TAOK1: variants seen among roughly 807,000 people sequenced by gnomAD.
TAOK1 encodes serine/threonine-protein kinase TAO1.
Under a neutral mutation model 138.3 loss-of-function variants are expected in TAOK1, and 21 were observed. That is an observed-to-expected ratio of 0.15 (90% CI 0.11 to 0.22). The LOEUF is 0.22. Ranked by LOEUF, TAOK1 falls within the 10% of genes least tolerant of loss-of-function variation. TAOK1 has a pLI of 1.00. For synonymous variants in TAOK1, 361 were observed against 398.4 expected, an observed-to-expected ratio of 0.91 and a Z score of 1.12; for missense variants, 651 against 1,227.7, an observed-to-expected ratio of 0.53 and a Z score of 7.02.
At chr17:29,403,487 T>A (rs1904909130) in intron 1 of TAOK1, among the ~76,000 whole-genome samples, 1 of 152,180 alleles carries the variant, frequency 6.6e-6, no homozygotes. Context: ...GAAACTTTGC[T>A]CTTCCTTGTT....
chr17:29,404,805 A>G (rs1301091685), intron 1 of TAOK1, among the ~76,000 whole-genome samples: 2 of 152,118 alleles, frequency 1.3e-5, no homozygotes, highest in Non-Finnish European at 2.9e-5. Context: ...ATAAATAGGT[A>G]AGTAAAAACT....
intron 1 of TAOK1, among the ~76,000 whole-genome samples, chr17:29,437,984 A>G (rs942002885): frequency 1.3e-5 from 2 of 151,998 alleles, no homozygotes; most frequent in African/African-American, 4.8e-5. Context: ...CGCCCGCCTT[A>G]GCCTCCCAAA....
At chr17:29,538,026 C>T (rs1022611464) in intron 19 of TAOK1, among the ~76,000 whole-genome samples, 2 of 150,438 alleles carry the variant, frequency 1.3e-5, no homozygotes, top group African/African-American at 2.4e-5. Flanking sequence ...GCAAGGGAAT[C>T]GCTTCAACCT....
chr17:29,427,684 TG>T (rs1905687434), intron 1 of TAOK1, among the ~76,000 whole-genome samples: 1 of 152,010 alleles, frequency 6.6e-6, no homozygotes, highest in South Asian at 2.1e-4. Flanking sequence ...CCCAGCACTT[TG>T]GGAAGCCAAG....
intron 10 of TAOK1, among the ~76,000 whole-genome samples, chr17:29,493,318 A>G (rs2031343946): frequency 6.6e-6 from 1 of 152,020 alleles, no homozygotes; most frequent in Non-Finnish European, 1.5e-5. Context: ...AACGTGGAGA[A>G]ACCCTGTCTC....
At chr17:29,474,765 A>G (rs754579301) in intron 3 of TAOK1, among the ~76,000 whole-genome samples, 5 of 152,122 alleles carry the variant, frequency 3.3e-5, no homozygotes, top group Non-Finnish European at 7.4e-5. Flanking sequence ...AAGGTGACAC[A>G]AAGACATCAA....
At chr17:29,402,325 C>T (rs1046948781) in intron 1 of TAOK1, among the ~76,000 whole-genome samples, 11 of 152,094 alleles carry the variant, frequency 7.2e-5, no homozygotes, top group African/African-American at 1.4e-4. Flanking sequence ...TTTTTTAAGA[C>T]GGTCTCAGTC....
chr17:29,541,425 A>C (rs911206888), intron 19 of TAOK1, among the ~76,000 whole-genome samples: 2 of 151,892 alleles, frequency 1.3e-5, no homozygotes, highest in Non-Finnish European at 2.9e-5. Context: ...AGGACTTTTG[A>C]CTTTAATGTA....
intron 2 of TAOK1, among the ~76,000 whole-genome samples, chr17:29,464,394 A>G (rs1259078381): frequency 6.6e-6 from 1 of 151,368 alleles, no homozygotes; most frequent in Non-Finnish European, 1.5e-5. Flanking sequence ...CAGTGAGCCA[A>G]GATCGCAGCG....
intron 8 of TAOK1, among the ~76,000 whole-genome samples, chr17:29,486,170 T>TCCC (rs1482084693): frequency 1.3e-5 from 2 of 151,986 alleles, no homozygotes; most frequent in Non-Finnish European, 2.9e-5. Flanking sequence ...GCACCTGTAG[T>TCCC]CCCAGCTGCT....
intron 3 of TAOK1, among the ~76,000 whole-genome samples, chr17:29,475,065 C>T (rs1022313039): frequency 7.2e-5 from 11 of 151,902 alleles, no homozygotes; most frequent in Admixed American, 5.9e-4. Flanking sequence ...CTCAGCCTCC[C>T]GAGTACCTGG....
At chr17:29,393,593 A>G (rs897554682) in intron 1 of TAOK1, among the ~76,000 whole-genome samples, 35 of 152,338 alleles carry the variant, frequency 2.3e-4, no homozygotes, top group African/African-American at 7.9e-4. Context: ...GTTTCTAAAT[A>G]GTTCATCTAC....
At chr17:29,428,586 C>A (rs543295321) in intron 1 of TAOK1, among the ~76,000 whole-genome samples, 12 of 152,062 alleles carry the variant, frequency 7.9e-5, no homozygotes, top group African/African-American at 2.4e-4. Flanking sequence ...CTTTGAACTT[C>A]AAGTATAATT....
intron 13 of TAOK1, among the ~76,000 whole-genome samples, chr17:29,504,788 G>C (rs150947213): frequency 6.6e-6 from 1 of 152,208 alleles, no homozygotes; most frequent in Non-Finnish European, 1.5e-5. Context: ...TGTAGTTCAT[G>C]AATCTATATG....
intron 6 of TAOK1, 70 bp from the exon 7 acceptor site, chr17:29,480,298 T>G (rs1292673118): frequency 8.7e-7 from 1 of 1,145,416 alleles, no homozygotes; most frequent in East Asian, 2.6e-5. Flanking sequence ...AATTCTTGTT[T>G]TATTTTTATC....
At chr17:29,467,632 G>T (rs1313757808) in intron 3 of TAOK1, among the ~76,000 whole-genome samples, 2 of 151,982 alleles carry the variant, frequency 1.3e-5, no homozygotes, top group Non-Finnish European at 2.9e-5. Flanking sequence ...GGGAGGAAGG[G>T]TGGGAATTTT....
At chr17:29,392,247 C>T (rs1904458317) in intron 1 of TAOK1, among the ~76,000 whole-genome samples, 1 of 152,180 alleles carries the variant, frequency 6.6e-6, no homozygotes, top group Non-Finnish European at 1.5e-5. Context: ...TTATTACATA[C>T]AGACAGCCTG....
At chr17:29,479,814 T>TAA (rs1454169868) in intron 6 of TAOK1, among the ~76,000 whole-genome samples, 1 of 152,132 alleles carries the variant, frequency 6.6e-6, no homozygotes, top group Non-Finnish European at 1.5e-5. Flanking sequence ...TTCAGAAAAG[T>TAA]AAATTTGGGA....
chr17:29,443,807 A>T (rs1236619485), intron 1 of TAOK1, among the ~76,000 whole-genome samples: 1 of 152,182 alleles, frequency 6.6e-6, no homozygotes, highest in African/African-American at 2.4e-5. Context: ...ACTTGTTACA[A>T]ATATTTATAT....
Sources: allele counts gnomAD v4.1 joint callset (sites outside exome capture counted in the v4.1 genomes callset), GRCh38; gene constraint gnomAD v4.1.1; transcripts MANE v1.5; gene names NCBI Gene and HGNC (gene_info 2026-07-23, HGNC 2026-07-21).